Variants in ZNF560 observed in about 807,000 individuals in gnomAD.
ZNF560 encodes the protein zinc finger protein 560.
In ZNF560, 54 loss-of-function variants were observed where a neutral mutation model predicts 81.8. The observed-to-expected ratio is 0.66, with a 90% CI of 0.53 to 0.83. The LOEUF is 0.83. ZNF560 is among the 40% of genes least tolerant of loss of function. The pLI is 0.00. For missense variants in ZNF560, 940 were observed against 932.4 expected (o/e 1.01, Z -0.11); for synonymous variants, 321 against 317.9 (o/e 1.01, Z -0.10).
At chr19:9,468,868 T>A (rs1035426122) in intron 9 of ZNF560, among the ~76,000 whole-genome samples, 1 of 152,180 alleles carries the variant, frequency 6.6e-6, no homozygotes, top group African/African-American at 2.4e-5. Flanking sequence ...TAGCTGGGAC[T>A]ACAGGTACAC....
At chr19:9,446,253 A>G in the ZNF560 span, among the ~76,000 whole-genome samples, 2 of 151,954 alleles carry the variant, frequency 1.3e-5, no homozygotes, top group South Asian at 4.1e-4. Context: ...TTTACTTTTC[A>G]GATTCTTCAA....
intron 2 of ZNF560, among the ~76,000 whole-genome samples, chr19:9,486,445 A>T (rs1378715985): frequency 6.6e-6 from 1 of 152,202 alleles, no homozygotes; most frequent in Non-Finnish European, 1.5e-5. Flanking sequence ...GTTAGAAATA[A>T]TATTTTCTTT....
At chr19:9,456,246 A>G in the ZNF560 span, among the ~76,000 whole-genome samples, 2 of 152,218 alleles carry the variant, frequency 1.3e-5, no homozygotes, top group African/African-American at 4.8e-5. Context: ...AGGTACCAAC[A>G]GGAGTCTGCG....
intron 2 of ZNF560, among the ~76,000 whole-genome samples, chr19:9,490,103 G>A (rs1189224674): frequency 6.6e-6 from 1 of 152,158 alleles, no homozygotes; most frequent in African/African-American, 2.4e-5. Context: ...AGACACACAG[G>A]AAGGTTGCAC....
chr19:9,474,281 C>T lies in ZNF560; in HGVS notation c.75G>A (p.Glu25=). Residue 25 remains glutamate (E), a synonymous_variant, in exon 4 of 10, where the codon GAG becomes GAA. Transcript: ENST00000301480. ...FEDTAVDFTQ[E]EWILLDPVQR... ...GAACTGGGTCCAGTAAAATCCACTC[C>T]TCCTGGGTGAAGTCCACAGCTGTAT... is the stretch of plus-strand genomic sequence containing the variant. 6.2e-7 allele frequency: 1 copy of T among 1,614,152 alleles called. No individual in the cohort carries two copies.
chr19:9,498,491 C>T (rs750268390), intron 1 of ZNF560, 47 bp downstream of exon 1: 2 of 152,624 alleles, frequency 1.3e-5, no homozygotes, highest in Admixed American at 6.5e-5. Context: ...GTGACCTCTG[C>T]CACCCCCCGA....
intron 2 of ZNF560, among the ~76,000 whole-genome samples, chr19:9,490,503 C>A (rs2073454930): frequency 6.6e-6 from 1 of 152,110 alleles, no homozygotes; most frequent in Admixed American, 6.5e-5. Flanking sequence ...GATAAGAACC[C>A]TACTATAACA....
the ZNF560 span, among the ~76,000 whole-genome samples, chr19:9,450,226 G>A: frequency 6.6e-6 from 1 of 151,824 alleles, no homozygotes; most frequent in Non-Finnish European, 1.5e-5. Context: ...GGGAGGCGGA[G>A]GTTGCAGTGA....
chr19:9,457,389 G>C, the ZNF560 span, among the ~76,000 whole-genome samples: 1 of 152,170 alleles, frequency 6.6e-6, no homozygotes, highest in African/African-American at 2.4e-5. Context: ...CGATTCCTGT[G>C]GTAAACAACT....
intron 3 of ZNF560, 56 bp from the exon 4 acceptor site, chr19:9,474,381 C>T: frequency 6.4e-7 from 1 of 1,558,064 alleles, no homozygotes; most frequent in African/African-American, 1.4e-5. Flanking sequence ...CCAGTGTTCA[C>T]TGAAGAATCA....
the ZNF560 span, among the ~76,000 whole-genome samples, chr19:9,450,392 C>T: frequency 6.6e-5 from 10 of 152,030 alleles, no homozygotes; most frequent in Non-Finnish European, 1.0e-4. Context: ...ATAAAAGGCA[C>T]GCAAATAGGA....
At chr19:9,451,223 C>A in the ZNF560 span, among the ~76,000 whole-genome samples, 1 of 152,162 alleles carries the variant, frequency 6.6e-6, no homozygotes, top group Non-Finnish European at 1.5e-5. Context: ...TGATTCCAAA[C>A]TACACTACAA....
At chr19:9,480,918 T>C (rs1439300138) in intron 2 of ZNF560, among the ~76,000 whole-genome samples, 1 of 151,876 alleles carries the variant, frequency 6.6e-6, no homozygotes, top group African/African-American at 2.4e-5. Flanking sequence ...AAACCCTCTC[T>C]ACAAAAAATA....
rs1439190508 is a variant in ZNF560, at chr19:9,482,670, G to A, written c.-56-7301C>T. Among the ~76,000 whole-genome samples the A allele has an allele frequency of 4.3e-5, 5 of 116,552 alleles. No individual in the cohort carries two copies. In the East Asian group the frequency reaches 1.4e-3, roughly 33 times the overall value. 76.5% of individuals were successfully genotyped at this position (116,552 alleles called of 152,430 possible). ...CCCCCTCCCCCTCCCTCTCCCCACG[G>A]TCTCCCTCTCCCTCTCTTTCCACGG... On this transcript the variant is annotated intron_variant, in intron 2 of 9. Coordinates refer to ENST00000301480, the MANE Select transcript of ZNF560 (RefSeq NM_152476.3).
chr19:9,494,788 T>C (rs1210399638), intron 2 of ZNF560, among the ~76,000 whole-genome samples: 2 of 151,996 alleles, frequency 1.3e-5, no homozygotes, highest in Non-Finnish European at 2.9e-5. Context: ...ATGCCTGTAA[T>C]CCCAGCTACT....
chr19:9,495,414 C>T (rs961734188), intron 2 of ZNF560, among the ~76,000 whole-genome samples: 3 of 151,994 alleles, frequency 2.0e-5, no homozygotes, highest in Non-Finnish European at 4.4e-5. Context: ...CAAAACACTA[C>T]ACTTCTGGCC....
At chr19:9,465,103 A>C (rs776987619), downstream of ZNF560, among the ~76,000 whole-genome samples, 1 of 151,498 alleles carries the variant, frequency 6.6e-6, no homozygotes, top group Non-Finnish European at 1.5e-5. Flanking sequence ...CATTCCAAGA[A>C]CCCAAGGAAA....
chr19:9,503,116 G>A (rs936005674), upstream of ZNF560, among the ~76,000 whole-genome samples: 22 of 152,140 alleles, frequency 1.4e-4, no homozygotes, highest in African/African-American at 4.8e-4. Context: ...AGCACTTTGC[G>A]AGGCCAAGGT....
upstream of ZNF560, among the ~76,000 whole-genome samples, chr19:9,501,327 T>TG (rs2073631114): frequency 1.8e-5 from 2 of 109,020 alleles, no homozygotes; most frequent in South Asian, 3.6e-4. Context: ...CCTGGCTACT[T>TG]TGTGTGTGTG....
Sources: allele counts gnomAD v4.1 joint callset (sites outside exome capture counted in the v4.1 genomes callset), GRCh38; gene constraint gnomAD v4.1.1; transcripts MANE v1.5; gene names NCBI Gene and HGNC (gene_info 2026-07-23, HGNC 2026-07-21).